Variants in ADK observed in about 807,000 individuals in gnomAD.
ADK encodes the protein adenosine kinase.
In ADK, 24 loss-of-function variants were observed where a neutral mutation model predicts 44.7. That is an observed-to-expected ratio of 0.54 (90% CI 0.39 to 0.76). The LOEUF (loss-of-function observed/expected upper bound fraction) is 0.76, where lower values mean the gene tolerates loss of function less well. Ranked by LOEUF, ADK falls within the 30% of genes least tolerant of loss-of-function variation. The pLI is 0.00. For synonymous variants in ADK, 128 were observed against 142.6 expected (o/e 0.90, Z 0.73); for missense variants, 321 against 425.1 (o/e 0.76, Z 2.15).
At chr10:74,455,189 C>A (rs932185788) in intron 6 of ADK, among the ~76,000 whole-genome samples, 1 of 151,912 alleles carries the variant, frequency 6.6e-6, no homozygotes, top group Non-Finnish European at 1.5e-5. Flanking sequence ...CCACAATAAA[C>A]ACTCACAAAA....
intron 4 of ADK, among the ~76,000 whole-genome samples, chr10:74,380,956 AAG>A (rs1332646861): frequency 6.6e-6 from 1 of 152,142 alleles, no homozygotes; most frequent in Non-Finnish European, 1.5e-5. Flanking sequence ...GAAAGGGAAA[AAG>A]AGAAATCTAT....
chr10:74,188,411 C>T lies in ADK; in HGVS notation c.66-12353C>T, dbSNP rs535390987. Among the ~76,000 whole-genome samples, 312 of 131,958 alleles carry T rather than the reference C, an allele frequency of 2.4e-3. 1 individual carries two copies. The highest frequency in any genetic ancestry group is 6.9e-3 in the Admixed American group (84 of 12,240). 86.6% of individuals were successfully genotyped at this position (131,958 alleles called of 152,430 possible). A position where few individuals can be genotyped will look rare whatever the true frequency, so the allele number is the denominator to read the frequency against. On this transcript the variant is annotated intron_variant, in intron 1 of 10. Coordinates refer to ENST00000539909, the MANE Select transcript of ADK (RefSeq NM_006721.4). ...TCACCCAGGCTGGAGTGCAGTGGCG[C>T]GATCTTGGCTCACTGCAAGCTCCGC...
intron 7 of ADK, among the ~76,000 whole-genome samples, chr10:74,584,417 G>A (rs570153598): frequency 6.6e-6 from 1 of 152,242 alleles, no homozygotes; most frequent in African/African-American, 2.4e-5. Context: ...GTAAAACTGG[G>A]ACCTTAGTGT....
At chr10:74,653,719 G>A (rs746185413) in intron 9 of ADK, among the ~76,000 whole-genome samples, 19 of 152,176 alleles carry the variant, frequency 1.2e-4, no homozygotes, top group Non-Finnish European at 2.6e-4. Flanking sequence ...GGATAAAATG[G>A]TTGTTTACTG....
chr10:74,301,507 C>CT (rs1262457677), intron 3 of ADK, among the ~76,000 whole-genome samples: 1 of 130,044 alleles, frequency 7.7e-6, no homozygotes, highest in East Asian at 2.2e-4. Context: ...GAATGAGACT[C>CT]TGTCTCAAAA....
chr10:74,655,169 G>T, intron 9 of ADK: 1 of 308,522 alleles, frequency 3.2e-6, no homozygotes, highest in East Asian at 8.9e-5. Flanking sequence ...AAGAACCCAA[G>T]GAAGAAGTAA....
chr10:74,214,442 A>G (rs547573353), intron 2 of ADK, among the ~76,000 whole-genome samples: 21 of 152,366 alleles, frequency 1.4e-4, no homozygotes, highest in African/African-American at 4.1e-4. Context: ...TTGTAGATTT[A>G]TAGAAATTTT....
At chr10:74,465,586 T>A (rs1227388983) in intron 6 of ADK, among the ~76,000 whole-genome samples, 1 of 152,182 alleles carries the variant, frequency 6.6e-6, no homozygotes, top group Non-Finnish European at 1.5e-5. Flanking sequence ...GTCATTGCAA[T>A]AATCCAGTGG....
At chr10:74,609,319 C>T (rs1290938488) in intron 9 of ADK, among the ~76,000 whole-genome samples, 1 of 152,122 alleles carries the variant, frequency 6.6e-6, no homozygotes, top group Admixed American at 6.5e-5. Flanking sequence ...TTGGTGTCTG[C>T]CCAAACAGCA....
chr10:74,684,400 C>T (rs1855719039), intron 10 of ADK, among the ~76,000 whole-genome samples: 1 of 152,148 alleles, frequency 6.6e-6, no homozygotes. Context: ...ATACAGTGAT[C>T]TGTACTTATA....
intron 1 of ADK, among the ~76,000 whole-genome samples, chr10:74,178,029 C>T (rs1842413318): frequency 6.6e-6 from 1 of 150,506 alleles, no homozygotes; most frequent in African/African-American, 2.4e-5. Flanking sequence ...GCAATCTCCG[C>T]CTCCCGGGTT....
intron 1 of ADK, among the ~76,000 whole-genome samples, chr10:74,157,086 G>C (rs1841766611): frequency 6.6e-6 from 1 of 152,188 alleles, no homozygotes; most frequent in African/African-American, 2.4e-5. Flanking sequence ...AAAAAGCTGT[G>C]GACCTGGAGT....
chr10:74,286,642 G>A (rs1382535896), intron 3 of ADK, among the ~76,000 whole-genome samples: 2 of 152,186 alleles, frequency 1.3e-5, no homozygotes, highest in Non-Finnish European at 2.9e-5. Context: ...GACTCTTGAG[G>A]AAGGAATTAT....
intron 4 of ADK, among the ~76,000 whole-genome samples, chr10:74,337,434 A>G (rs1841444451): frequency 6.6e-6 from 1 of 152,218 alleles, no homozygotes; most frequent in East Asian, 1.9e-4. Flanking sequence ...CCTGAGGGAT[A>G]CAGAGGAAGA....
intron 6 of ADK, among the ~76,000 whole-genome samples, chr10:74,421,730 A>G (rs981799269): frequency 3.3e-5 from 5 of 152,198 alleles, no homozygotes; most frequent in Non-Finnish European, 4.4e-5. Context: ...TTGTAGTGCC[A>G]GAAGGCAAGA....
intron 3 of ADK, among the ~76,000 whole-genome samples, chr10:74,231,499 A>C (rs1844762581): frequency 2.6e-5 from 4 of 151,470 alleles, no homozygotes; most frequent in Admixed American, 2.6e-4. Context: ...ACAAGATCTA[A>C]CTCTGTTGCC....
At chr10:74,350,908 A>G (rs1841942005) in intron 4 of ADK, among the ~76,000 whole-genome samples, 2 of 152,212 alleles carry the variant, frequency 1.3e-5, no homozygotes, top group African/African-American at 4.8e-5. Flanking sequence ...TAGACCAATA[A>G]CAAGTTCTGA....
chr10:74,311,763 CATT>C (rs1840440346), intron 3 of ADK, among the ~76,000 whole-genome samples: 1 of 152,086 alleles, frequency 6.6e-6, no homozygotes, highest in Admixed American at 6.5e-5. Flanking sequence ...TTGTGGCAAA[CATT>C]ATGAAACTTT....
At chr10:74,603,331 A>C (rs1852208167) in intron 9 of ADK, among the ~76,000 whole-genome samples, 1 of 152,068 alleles carries the variant, frequency 6.6e-6, no homozygotes, top group Admixed American at 6.6e-5. Context: ...ATAGTTATAC[A>C]CATGCCATGG....
Sources: gnomAD v4.1 joint callset for allele counts (sites outside exome capture counted in the v4.1 genomes callset) on GRCh38, gnomAD v4.1.1 for gene constraint, MANE v1.5 for transcripts, NCBI Gene and HGNC (gene_info 2026-07-23, HGNC 2026-07-21) for gene names.